CEP128: variants seen among roughly 807,000 people sequenced by gnomAD.
The protein encoded by CEP128 is centrosomal protein 128kDa.
Under a neutral mutation model 156.7 loss-of-function variants are expected in CEP128, and 132 were observed. That is an observed-to-expected ratio of 0.84 (90% CI 0.73 to 0.97). The LOEUF is 0.97. Ranked by LOEUF, CEP128 falls within the 50% of genes least tolerant of loss-of-function variation. The pLI is 0.00. For synonymous variants in CEP128, 469 were observed against 448.9 expected, an observed-to-expected ratio of 1.04 and a Z score of -0.57; for missense variants, 1,252 against 1,281.9, an observed-to-expected ratio of 0.98 and a Z score of 0.36.
chr14:80,944,849 A>AACC (rs1886296061), upstream of CEP128, among the ~76,000 whole-genome samples: 7 of 123,848 alleles, frequency 5.7e-5, no homozygotes, highest in African/African-American at 1.9e-4. Flanking sequence ...AAAAAAAAAA[A>AACC]AAAAAAAACA....
intron 19 of CEP128, among the ~76,000 whole-genome samples, chr14:80,665,911 A>T (rs1034548918): frequency 8.5e-5 from 13 of 152,336 alleles, no homozygotes; most frequent in South Asian, 4.1e-4. Flanking sequence ...AGTGTGAAAG[A>T]TTATTACAAC....
At chr14:80,598,557 G>A (rs559597079) in intron 19 of CEP128, among the ~76,000 whole-genome samples, 1 of 152,226 alleles carries the variant, frequency 6.6e-6, no homozygotes, top group East Asian at 1.9e-4. Context: ...AAACTAATAT[G>A]CAAGTTCCAT....
intron 21 of CEP128, among the ~76,000 whole-genome samples, chr14:80,533,337 T>G (rs987266405): frequency 1.3e-5 from 2 of 152,188 alleles, no homozygotes; most frequent in Non-Finnish European, 1.5e-5. Context: ...TTCCTTTTTT[T>G]GTTCCATAAT....
intron 13 of CEP128, among the ~76,000 whole-genome samples, chr14:80,829,983 T>C (rs1282043235): frequency 6.6e-6 from 1 of 152,176 alleles, no homozygotes; most frequent in Non-Finnish European, 1.5e-5. Flanking sequence ...GACCAATGTG[T>C]GGTTATGAAC....
chr14:80,716,517 T>TA (rs1897612009), intron 19 of CEP128, among the ~76,000 whole-genome samples: 1 of 152,226 alleles, frequency 6.6e-6, no homozygotes. Context: ...TGTTCCCTTA[T>TA]GATTGACTTT....
chr14:80,489,082 T>C (rs1206390410), downstream of CEP128, among the ~76,000 whole-genome samples: 1 of 151,538 alleles, frequency 6.6e-6, no homozygotes, highest in Non-Finnish European at 1.5e-5. Context: ...CATGTATACA[T>C]ATGTAACAAA....
chr14:80,534,513 C>A (rs1266442760), intron 21 of CEP128, among the ~76,000 whole-genome samples: 2 of 152,102 alleles, frequency 1.3e-5, no homozygotes, highest in African/African-American at 4.8e-5. Context: ...CCTTAAAGGG[C>A]ATGGACAAGT....
chr14:80,731,731 A>G (rs1187300402), intron 19 of CEP128, among the ~76,000 whole-genome samples: 1 of 152,180 alleles, frequency 6.6e-6, no homozygotes, highest in Non-Finnish European at 1.5e-5. Flanking sequence ...GAGAACTTCA[A>G]GGGCTTTACA....
At chr14:80,955,651 A>C (rs1335924576) in intron 2 of CEP128, 2 of 1,612,806 alleles carry the variant, frequency 1.2e-6, no homozygotes, top group South Asian at 2.2e-5. Context: ...ATTTCGGAGG[A>C]TGGAGAAATA....
intron 2 of CEP128, among the ~76,000 whole-genome samples, chr14:80,949,889 A>T (rs1886425251): frequency 6.6e-6 from 1 of 152,188 alleles, no homozygotes; most frequent in East Asian, 1.9e-4. Flanking sequence ...AATTGACAAA[A>T]ATATATATAT....
chr14:80,952,439 A>T (rs2139661137), intron 2 of CEP128, among the ~76,000 whole-genome samples: 1 of 152,300 alleles, frequency 6.6e-6, no homozygotes, highest in South Asian at 2.1e-4. Flanking sequence ...AAAACTAAAA[A>T]GTATTTTAAA....
intron 19 of CEP128, among the ~76,000 whole-genome samples, chr14:80,686,326 C>G (rs1355503995): frequency 2.0e-5 from 3 of 151,148 alleles, no homozygotes; most frequent in African/African-American, 7.3e-5. Context: ...CATATCCAGC[C>G]AAACTAAGCT....
chr14:80,676,577 T>A (rs1412247855), intron 19 of CEP128, among the ~76,000 whole-genome samples: 1 of 152,176 alleles, frequency 6.6e-6, no homozygotes, highest in Non-Finnish European at 1.5e-5. Flanking sequence ...AGTGTATGGT[T>A]GAATAAAAGT....
chr14:80,785,705 T>C (rs1217229479), intron 14 of CEP128, among the ~76,000 whole-genome samples, 160 bp from the exon 15 acceptor site: 1 of 152,196 alleles, frequency 6.6e-6, no homozygotes, highest in Non-Finnish European at 1.5e-5. Flanking sequence ...AAAATACTTT[T>C]AGGCCAGAAA....
chr14:80,867,493 T>C (rs1303244315), intron 8 of CEP128, among the ~76,000 whole-genome samples: 1 of 152,116 alleles, frequency 6.6e-6, no homozygotes, highest in Non-Finnish European at 1.5e-5. Context: ...CAGAAAATTG[T>C]TGCATGAACA....
At chr14:80,547,101 G>A (rs1172254114) in intron 21 of CEP128, among the ~76,000 whole-genome samples, 1 of 152,158 alleles carries the variant, frequency 6.6e-6, no homozygotes, top group Non-Finnish European at 1.5e-5. Flanking sequence ...CAACTGAGGT[G>A]TTTAATATCA....
downstream of CEP128, among the ~76,000 whole-genome samples, chr14:80,486,390 T>G (rs1461371483): frequency 6.6e-6 from 1 of 152,062 alleles, no homozygotes. Flanking sequence ...AATCTACGTC[T>G]GATTGGTGTA....
At chr14:80,641,865 G>C (rs542247133) in intron 19 of CEP128, among the ~76,000 whole-genome samples, 1 of 151,882 alleles carries the variant, frequency 6.6e-6, no homozygotes, top group Non-Finnish European at 1.5e-5. Context: ...CAAGGCGGGT[G>C]GATCATGAGG....
rs754015293 is a variant in CEP128, at chr14:80,901,909, A to C, written c.481-1880T>G. Among the ~76,000 whole-genome samples, 9 of 152,160 alleles carry C rather than the reference A, an allele frequency of 5.9e-5. No homozygotes were observed. The South Asian group carries it at 1.0e-3, about 17-fold the overall frequency. ...GTGATCTTTTCAAAATAATTTTGTC[A>C]GCCCTGTTACACGGCTCTACATAAT... is the stretch of plus-strand genomic sequence containing the variant. On this transcript the variant is annotated intron_variant, in intron 6 of 24. Transcript: ENST00000555265.
Sources: allele counts gnomAD v4.1 joint callset (sites outside exome capture counted in the v4.1 genomes callset), GRCh38; gene constraint gnomAD v4.1.1; transcripts MANE v1.5; gene names NCBI Gene and HGNC (gene_info 2026-07-23, HGNC 2026-07-21).